Variants in PMP22 observed in about 807,000 individuals in gnomAD.
PMP22 encodes peripheral myelin protein 22, also known as Charcot-Marie-Tooth neuropathy 1A (greatly reduced nerve conduction velocity, hereditary motor sensory neuropathy Ia).
A neutral mutation model predicts 18.9 loss-of-function variants in PMP22; 2 were observed. The observed-to-expected ratio is 0.11, with a 90% confidence interval of 0.04 to 0.33. The LOEUF is 0.33. PMP22 is among the 10% of genes least tolerant of loss of function. The pLI is 1.00. For synonymous variants in PMP22, 95 were observed against 89.2 expected, an observed-to-expected ratio of 1.07 and a Z score of -0.37; for missense variants, 169 against 202.2, an observed-to-expected ratio of 0.84 and a Z score of 1.00.
intron 1 of PMP22, among the ~76,000 whole-genome samples, chr17:15,263,388 G>T (rs1156315181): frequency 2.6e-5 from 4 of 152,156 alleles, no homozygotes; most frequent in Non-Finnish European, 5.9e-5. Flanking sequence ...AAGGAAATCA[G>T]CTGATTCATA....
At chr17:15,259,810 G>A (rs1454951384) in intron 2 of PMP22, among the ~76,000 whole-genome samples, 1 of 151,044 alleles carries the variant, frequency 6.6e-6, no homozygotes, top group Admixed American at 6.6e-5. Flanking sequence ...TTAGCCAGGC[G>A]TGGTGGCGGG....
chr17:15,264,067 C>T (rs1459096354), intron 1 of PMP22, among the ~76,000 whole-genome samples: 1 of 151,784 alleles, frequency 6.6e-6, no homozygotes, highest in Non-Finnish European at 1.5e-5. Context: ...ACAATATGTA[C>T]AAAGCAGTTA....
At chr17:15,251,938 T>C (rs903705472) in intron 3 of PMP22, among the ~76,000 whole-genome samples, 1 of 152,054 alleles carries the variant, frequency 6.6e-6, no homozygotes, top group African/African-American at 2.4e-5. Flanking sequence ...TTCCTGGGTA[T>C]TGGCATCAGA....
intron 1 of PMP22, 107 bp from the exon 2 acceptor site, chr17:15,260,868 C>A (rs1909276355): frequency 2.5e-6 from 2 of 786,164 alleles, no homozygotes; most frequent in African/African-American, 1.8e-5. Context: ...CCTGGCCCAG[C>A]GCCCGCAGCC....
chr17:15,259,334 C>A (rs953552574), intron 2 of PMP22, 141 bp from the exon 3 acceptor site: 1 of 711,872 alleles, frequency 1.4e-6, no homozygotes, highest in Non-Finnish European at 2.6e-6. Flanking sequence ...TAAGAGCCAA[C>A]GTTTTATGAC....
chr17:15,235,111 C>T, intron 4 of PMP22: 1 of 667,422 alleles, frequency 1.5e-6, no homozygotes, highest in South Asian at 1.7e-5. Flanking sequence ...TTCGCCACCA[C>T]ACCTGGCCCA....
In PMP22 at chr17:15,260,833, T is replaced by A. The variant is rs1909268658; in HGVS notation, c.-34-72A>T. 5.8e-6 allele frequency: 6 copies of A among 1,042,976 alleles called. No individual in the cohort carries two copies. The South Asian group carries it at 6.8e-5, about 12-fold the overall frequency. 64.6% of individuals were successfully genotyped at this position (1,042,976 alleles called of 1,614,324 possible). On this transcript the variant is annotated intron_variant, in intron 1 of 4. Transcript: ENST00000312280. ...GACGGAGGCGCGCGCAGAGGGAGGGTCCCGCGCACTAGCGGAAGGCCCGGC... is the reference window on the plus strand; with the variant it reads ...GACGGAGGCGCGCGCAGAGGGAGGGACCCGCGCACTAGCGGAAGGCCCGGC...
intron 4 of PMP22, among the ~76,000 whole-genome samples, chr17:15,234,076 G>A (rs1906586678): frequency 6.6e-6 from 1 of 152,162 alleles, no homozygotes; most frequent in African/African-American, 2.4e-5. Flanking sequence ...TGCATGAGGA[G>A]GCCTTTGCAT....
rs563740807 is a variant in PMP22 at position 15,261,166 on chromosome 17, T to A, written c.-34-405A>T. ...AGGTCACGTTCTCCGAGACCCCGGT[T>A]CAGATGGTGAATTCCCCTATGGGGT... On this transcript the variant is annotated intron_variant, in intron 1 of 4. Transcript: ENST00000312280. This position sits in a 1 kb window ranked among gnomAD's most constrained non-coding sequence, Gnocchi z 5.2. The A allele has an allele frequency of 6.3e-6, 1 of 157,494 alleles. No homozygotes were observed. Among genetic ancestry groups the A allele is most frequent in the South Asian group, 2.0e-4 (1 of 4,962 alleles). The allele number at this position is 157,494 out of a possible 1,614,324, so 9.8% of individuals were successfully genotyped here. A position where few individuals can be genotyped will look rare whatever the true frequency, so the allele number is the denominator to read the frequency against.
At chr17:15,254,971 T>G (rs1444158003) in intron 3 of PMP22, among the ~76,000 whole-genome samples, 2 of 151,938 alleles carry the variant, frequency 1.3e-5, no homozygotes, top group African/African-American at 4.8e-5. Flanking sequence ...ATAATAATAA[T>G]AAGACTTACT....
At chr17:15,236,550 T>A (rs903373724) in intron 4 of PMP22, among the ~76,000 whole-genome samples, 1 of 152,166 alleles carries the variant, frequency 6.6e-6, no homozygotes, top group Admixed American at 6.5e-5. Flanking sequence ...ATCCCATGAG[T>A]GTGGAGCTAC....
At chr17:15,238,465 G>A (rs1255762101) in intron 4 of PMP22, among the ~76,000 whole-genome samples, 1 of 152,144 alleles carries the variant, frequency 6.6e-6, no homozygotes, top group Admixed American at 6.5e-5. Context: ...TGCCCTCTCA[G>A]AGGGTCAGAA....
At chr17:15,231,483 T>G (rs1906346414) in intron 4 of PMP22, among the ~76,000 whole-genome samples, 1 of 152,110 alleles carries the variant, frequency 6.6e-6, no homozygotes, top group African/African-American at 2.4e-5. Context: ...AAGTGAGTGG[T>G]GGCATTACCT....
chr17:15,253,776 A>G (rs1908575084), intron 3 of PMP22, among the ~76,000 whole-genome samples: 1 of 152,160 alleles, frequency 6.6e-6, no homozygotes, highest in Admixed American at 6.5e-5. Flanking sequence ...CGAGATGTTC[A>G]TATGGCTGGC....
chr17:15,251,587 G>C (rs1009443886), intron 3 of PMP22: 2 of 153,778 alleles, frequency 1.3e-5, no homozygotes, highest in Non-Finnish European at 2.9e-5. Context: ...TCTGTGGCTC[G>C]ATGGGATAGG....
chr17:15,251,573 G>C (rs1908349332), intron 3 of PMP22: 1 of 153,986 alleles, frequency 6.5e-6, no homozygotes, highest in South Asian at 2.0e-4. Flanking sequence ...ATATTGCAGA[G>C]GGGTCTGTGG....
At chr17:15,256,051 C>T (rs1379130718) in intron 3 of PMP22, among the ~76,000 whole-genome samples, 1 of 152,212 alleles carries the variant, frequency 6.6e-6, no homozygotes, top group African/African-American at 2.4e-5. Context: ...CTTACCTCTG[C>T]CCACACGAGG....
chr17:15,264,303 GA>G (rs1269943642), intron 1 of PMP22, among the ~76,000 whole-genome samples: 4 of 151,836 alleles, frequency 2.6e-5, no homozygotes, highest in African/African-American at 7.2e-5. Context: ...TATGCAAGTA[GA>G]AAAAAAAGTC....
chr17:15,235,890 G>A (rs557939899), intron 4 of PMP22, among the ~76,000 whole-genome samples: 1 of 152,104 alleles, frequency 6.6e-6, no homozygotes, highest in South Asian at 2.1e-4. Context: ...AAGTAGCTGG[G>A]ACTACAGGCA....
Sources: gnomAD v4.1 joint callset for allele counts (sites outside exome capture counted in the v4.1 genomes callset) on GRCh38, gnomAD v4.1.1 for gene constraint, Gnocchi (gnomAD v3.1) non-coding constraint, MANE v1.5 for transcripts, NCBI Gene and HGNC (gene_info 2026-07-23, HGNC 2026-07-21) for gene names.